MBD5: variants seen among roughly 807,000 people sequenced by gnomAD.
The protein encoded by MBD5 is methyl-CpG-binding domain protein 5.
A neutral mutation model predicts 117.3 loss-of-function variants in MBD5; 13 were observed. The observed-to-expected ratio is 0.11, with a 90% CI of 0.07 to 0.18. MBD5 has a LOEUF of 0.18. Among genes scored for constraint, MBD5 ranks in the 10% least tolerant of loss-of-function variants. The pLI is 1.00. For synonymous variants in MBD5, 727 were observed against 766.4 expected (o/e 0.95, Z 0.85); for missense variants, 1,879 against 2,093.8 (o/e 0.90, Z 2.00).
chr2:148,055,799 A>G (rs1694845913), intron 1 of MBD5: 1 of 151,948 alleles, frequency 6.6e-6, no homozygotes, highest in Non-Finnish European at 1.5e-5. Context: ...TTGTATTTCC[A>G]TATGTGTATG....
intron 1 of MBD5, among the ~76,000 whole-genome samples, chr2:148,096,379 C>T (rs1696067875): frequency 7.0e-6 from 1 of 143,786 alleles, no homozygotes; most frequent in Admixed American, 7.1e-5. Flanking sequence ...TCTTATAGTG[C>T]ACAGGACAGC....
chr2:148,486,005 A>G lies in MBD5; in HGVS notation c.3753+55A>G, dbSNP rs1012020592. The G allele has an allele frequency of 4.0e-5, 62 of 1,555,782 alleles. 2 individuals are homozygous for G. In the Admixed American group the frequency reaches 1.0e-3, roughly 26 times the overall value. On this transcript the variant is annotated intron_variant, in intron 10 of 13. Transcript: ENST00000642680. ...GAAAACAATGTCTGAGTTTGTTTAA[A>G]TACTTAATTTGGGGGAAAGGGTGAA...
chr2:148,169,998 C>T (rs951672043), intron 1 of MBD5, among the ~76,000 whole-genome samples: 6 of 151,856 alleles, frequency 4.0e-5, no homozygotes, highest in East Asian at 1.9e-4. Context: ...CCCGGGTTCA[C>T]GCCATTCTCC....
chr2:148,360,174 C>T (rs1703493453), intron 4 of MBD5, among the ~76,000 whole-genome samples: 1 of 152,060 alleles, frequency 6.6e-6, no homozygotes, highest in South Asian at 2.1e-4. Context: ...CCCTCCATGT[C>T]TCTTTTATAT....
At chr2:148,234,190 T>G (rs984882400) in intron 3 of MBD5, among the ~76,000 whole-genome samples, 1 of 152,162 alleles carries the variant, frequency 6.6e-6, no homozygotes, top group Non-Finnish European at 1.5e-5. Flanking sequence ...ATATACACTT[T>G]TAAAATTTTA....
At chr2:148,241,007 C>T (rs1234267594) in intron 3 of MBD5, among the ~76,000 whole-genome samples, 5 of 151,562 alleles carry the variant, frequency 3.3e-5, no homozygotes, top group South Asian at 2.1e-4. Context: ...TTTATGTTCT[C>T]GGTAATAGCT....
At chr2:148,363,046 C>T (rs1469844636) in intron 4 of MBD5, among the ~76,000 whole-genome samples, 2 of 152,120 alleles carry the variant, frequency 1.3e-5, no homozygotes, top group East Asian at 1.9e-4. Flanking sequence ...CAGTGCAAAA[C>T]GGCTGAAAAT....
chr2:148,249,070 G>A (rs1270139286), intron 3 of MBD5, among the ~76,000 whole-genome samples: 2 of 151,930 alleles, frequency 1.3e-5, no homozygotes, highest in East Asian at 1.9e-4. Context: ...AACATCTTTC[G>A]AGTAGAGAGA....
At chr2:148,170,713 G>T (rs545685776) in intron 1 of MBD5, among the ~76,000 whole-genome samples, 1 of 152,276 alleles carries the variant, frequency 6.6e-6, no homozygotes, top group East Asian at 1.9e-4. Flanking sequence ...TAATCCAATA[G>T]CTCAGGGAAG....
At chr2:148,194,669 G>A (rs1237440424) in intron 2 of MBD5, among the ~76,000 whole-genome samples, 38 of 122,324 alleles carry the variant, frequency 3.1e-4, no homozygotes, top group Admixed American at 2.9e-3. Context: ...TAGATGACAC[G>A]TTAGTGGGTG....
At chr2:148,433,236 T>C (rs1351517755) in intron 4 of MBD5, among the ~76,000 whole-genome samples, 2 of 151,492 alleles carry the variant, frequency 1.3e-5, no homozygotes, top group Admixed American at 6.6e-5. Context: ...CTTTGCTTAA[T>C]TTTTTATCAG....
At chr2:148,472,140 C>G (rs1000063184) in intron 8 of MBD5, 1 of 151,898 alleles carries the variant, frequency 6.6e-6, no homozygotes, top group African/African-American at 2.4e-5. Flanking sequence ...TACTTATATT[C>G]TTGTTTCTTC....
chr2:148,208,772 C>T (rs968999010), intron 2 of MBD5, among the ~76,000 whole-genome samples: 5 of 151,338 alleles, frequency 3.3e-5, no homozygotes, highest in African/African-American at 1.2e-4. Context: ...CAGCTTTTCT[C>T]TTCAACTACT....
At chr2:148,232,183 A>C (rs974692025) in intron 2 of MBD5, among the ~76,000 whole-genome samples, 5 of 152,256 alleles carry the variant, frequency 3.3e-5, no homozygotes, top group Non-Finnish European at 2.9e-5. Flanking sequence ...AAGGCTACAG[A>C]ATACGAAACA....
chr2:148,348,401 C>G (rs1703174034), intron 4 of MBD5, among the ~76,000 whole-genome samples: 1 of 151,990 alleles, frequency 6.6e-6, no homozygotes, highest in African/African-American at 2.4e-5. Context: ...CTATACATTT[C>G]AACTCACTTT....
At chr2:148,325,126 C>A (rs1702409208) in intron 3 of MBD5, among the ~76,000 whole-genome samples, 1 of 152,036 alleles carries the variant, frequency 6.6e-6, no homozygotes, top group Admixed American at 6.6e-5. Context: ...TGTTTATATG[C>A]TGGATTATAT....
intron 3 of MBD5, among the ~76,000 whole-genome samples, chr2:148,341,125 G>A (rs1343135747): frequency 6.6e-6 from 1 of 151,928 alleles, no homozygotes; most frequent in African/African-American, 2.4e-5. Flanking sequence ...TTTTCATTCA[G>A]CTTCTCCTCC....
intron 1 of MBD5, among the ~76,000 whole-genome samples, chr2:148,168,720 G>C (rs1698186423): frequency 6.6e-6 from 1 of 152,028 alleles, no homozygotes; most frequent in Non-Finnish European, 1.5e-5. Flanking sequence ...TCCAGCCTGG[G>C]TGCCAGAGCG....
In MBD5 at chr2:148,288,221, A is replaced by T. The variant is rs1028541959; in HGVS notation, c.-679-53993A>T. Among the ~76,000 whole-genome samples, 22 of 126,196 alleles carry T rather than the reference A, an allele frequency of 1.7e-4. 1 individual carries two copies. Among genetic ancestry groups the T allele is most frequent in the African/African-American group, 5.7e-4 (20 of 35,066 alleles). The allele number at this position is 126,196 out of a possible 152,430, so 82.8% of individuals were successfully genotyped here. Reference sequence around the variant, plus strand: ...CGAGACCATCCCGGCTAAAACGGTGAAACCCCGTCTCTACTAAAAATACAA... The same window carrying T: ...CGAGACCATCCCGGCTAAAACGGTGTAACCCCGTCTCTACTAAAAATACAA... On this transcript the variant is annotated intron_variant, in intron 3 of 13. Coordinates refer to ENST00000642680, the MANE Select transcript of MBD5 (RefSeq NM_001378120.1).
Sources: gnomAD v4.1 joint callset for allele counts (sites outside exome capture counted in the v4.1 genomes callset) on GRCh38, gnomAD v4.1.1 for gene constraint, MANE v1.5 for transcripts, NCBI Gene and HGNC (gene_info 2026-07-23, HGNC 2026-07-21) for gene names.